Variants in GABRA3 observed in about 807,000 individuals in gnomAD.
GABRA3 encodes the protein gamma-aminobutyric acid type A receptor subunit alpha3.
In GABRA3, 10 loss-of-function variants were observed where a neutral mutation model predicts 30.1. The ratio of observed to expected loss-of-function variants is 0.33; its 90% CI spans 0.20 to 0.56. The LOEUF is 0.56. GABRA3 is among the 20% of genes least tolerant of loss of function. GABRA3 has a pLI of 0.89. For missense variants in GABRA3, 233 were observed against 392.0 expected, an observed-to-expected ratio of 0.59 and a Z score of 3.42; for synonymous variants, 151 against 146.8, an observed-to-expected ratio of 1.03 and a Z score of -0.21.
In GABRA3 at chrX:152,168,366, C is replaced by T; in HGVS notation, c.1341G>A (p.Lys447=). The T allele has an allele frequency of 8.3e-7, 1 of 1,211,854 alleles. No individual in the cohort carries two copies. Among genetic ancestry groups the T allele is most frequent in the South Asian group, 1.8e-5 (1 of 56,999 alleles). ...CAACCTTGCTGACACTGTTGTAGGT[C>T]TTGGTCTCAGTCGGGCTGTCCTGCA... ...TYVQDSPTET[K]TYNSVSKVDK... The change falls in exon 10 of 10, where the codon AAG becomes AAA. Residue 447 remains lysine (K), a synonymous_variant. Coordinates refer to ENST00000370314, the MANE Select transcript of GABRA3 (RefSeq NM_000808.4).
chrX:152,342,833 T>C (rs1940334976), intron 3 of GABRA3, among the ~76,000 whole-genome samples: 1 of 111,636 alleles, frequency 9.0e-6, no homozygotes, highest in Admixed American at 9.6e-5. Context: ...ACTGAGGCCA[T>C]ATTCTAAGTA....
chrX:152,291,661 C>T (rs1282183785), intron 3 of GABRA3, among the ~76,000 whole-genome samples: 1 of 111,268 alleles, frequency 9.0e-6, no homozygotes, highest in Non-Finnish European at 1.9e-5. Context: ...TCATAAATAG[C>T]TCTTATTATT....
intron 4 of GABRA3, among the ~76,000 whole-genome samples, chrX:152,258,227 G>C: frequency 8.9e-6 from 1 of 111,854 alleles, no homozygotes; most frequent in South Asian, 3.7e-4. Context: ...ATTTGAAAAA[G>C]ATATATCTAA....
Position 152,253,785 on chromosome X carries a change from T to A in GABRA3, c.551+1993A>T, listed in dbSNP as rs1938594320. On this transcript the variant is annotated intron_variant, in intron 5 of 9. Coordinates refer to ENST00000370314, the MANE Select transcript of GABRA3 (RefSeq NM_000808.4). ...CATTCCCTGCAACTGCTCACTTGGT[T>A]TTCTCTGTCTAGAACGTCCTTCCTC... Among the ~76,000 whole-genome samples the A allele has an allele frequency of 2.7e-5, 3 of 111,799 alleles. No individual in the cohort carries two copies. The South Asian group carries it at 1.1e-3, about 41-fold the overall frequency.
intron 1 of GABRA3, among the ~76,000 whole-genome samples, chrX:152,408,079 A>C (rs770227486): frequency 1.8e-5 from 2 of 111,497 alleles, no homozygotes; most frequent in Non-Finnish European, 3.8e-5. Context: ...ATATCTCAAC[A>C]TGATAAAAGC....
At chrX:152,278,437 A>G (rs1939131978) in intron 4 of GABRA3, among the ~76,000 whole-genome samples, 1 of 110,718 alleles carries the variant, frequency 9.0e-6, no homozygotes, top group Non-Finnish European at 1.9e-5. Context: ...AAGGACATGA[A>G]CTCATCAGTT....
Position 152,255,789 on chromosome X carries a change from G to A in GABRA3, c.540C>T (p.Leu180=), listed in dbSNP as rs766332263. The A allele has an allele frequency of 1.7e-6, 2 of 1,209,716 alleles. No homozygotes were observed. Among genetic ancestry groups the A allele is most frequent in the Non-Finnish European group, 2.2e-6 (2 of 893,655 alleles). ...CACCACTCTCTGACCTCATTGTATA[G>A]AGGAGGGTTCCGTTGTCCACCAATC... The part of the protein sequence containing the change: ...LLRLVDNGTL[L]YTMRLTIHAE... The change falls in exon 5 of 10, where the codon CTC becomes CTT. Residue 180 remains leucine (L), a synonymous_variant. Coordinates refer to ENST00000370314, the MANE Select transcript of GABRA3 (RefSeq NM_000808.4).
At chrX:152,206,689 A>G (rs1486290186) in intron 7 of GABRA3, among the ~76,000 whole-genome samples, 1 of 111,411 alleles carries the variant, frequency 9.0e-6, no homozygotes, top group Admixed American at 9.4e-5. Flanking sequence ...GACAGGGCCC[A>G]GGTGGCCCAG....
intron 1 of GABRA3, among the ~76,000 whole-genome samples, chrX:152,420,081 T>C (rs947560793): frequency 8.9e-6 from 1 of 112,088 alleles, no homozygotes; most frequent in African/African-American, 3.2e-5. Context: ...TACCCATTAA[T>C]GATTTTTTAA....
At chrX:152,337,175 C>A (rs1298345636) in intron 3 of GABRA3, among the ~76,000 whole-genome samples, 1 of 111,725 alleles carries the variant, frequency 9.0e-6, no homozygotes, top group African/African-American at 3.3e-5. Context: ...CTTAGGATAT[C>A]CATCACCTTA....
At chrX:152,271,978 T>C (rs1938948119) in intron 4 of GABRA3, among the ~76,000 whole-genome samples, 2 of 112,101 alleles carry the variant, frequency 1.8e-5, no homozygotes, top group South Asian at 3.7e-4. Context: ...ATATGGAAAC[T>C]CCTGGATGTC....
At chrX:152,272,805 C>T (rs1017515010) in intron 4 of GABRA3, among the ~76,000 whole-genome samples, 1 of 111,099 alleles carries the variant, frequency 9.0e-6, no homozygotes, top group African/African-American at 3.3e-5. Flanking sequence ...TGAGTGAGTT[C>T]TCATGAGATT....
At chrX:152,448,128 A>G (rs1292688566) in intron 1 of GABRA3, among the ~76,000 whole-genome samples, 4 of 112,148 alleles carry the variant, frequency 3.6e-5, no homozygotes, top group African/African-American at 1.3e-4. Flanking sequence ...AATGACAACA[A>G]ACATTTTCCT....
At chrX:152,386,467 C>T (rs1483095760) in intron 1 of GABRA3, among the ~76,000 whole-genome samples, 2 of 110,368 alleles carry the variant, frequency 1.8e-5, no homozygotes, top group Non-Finnish European at 3.8e-5. Flanking sequence ...AACAAACAAC[C>T]CCATCAAAAA....
At chrX:152,281,389 C>A (rs1172212371) in intron 4 of GABRA3, among the ~76,000 whole-genome samples, 1 of 111,507 alleles carries the variant, frequency 9.0e-6, no homozygotes, top group Admixed American at 9.6e-5. Context: ...ATCATGGACA[C>A]AGGATTGGCA....
intron 2 of GABRA3, among the ~76,000 whole-genome samples, chrX:152,354,087 A>G (rs1337309080): frequency 8.9e-6 from 1 of 112,073 alleles, no homozygotes; most frequent in Non-Finnish European, 1.9e-5. Flanking sequence ...AGGTTACTAT[A>G]TGTAAGTAAA....
intron 1 of GABRA3, among the ~76,000 whole-genome samples, chrX:152,388,015 T>G (rs1194215405): frequency 8.9e-6 from 1 of 112,057 alleles, no homozygotes; most frequent in African/African-American, 3.2e-5. Context: ...AACAGTATAT[T>G]AGTTAAATTT....
At chrX:152,178,310 T>C (rs923387781) in intron 9 of GABRA3, among the ~76,000 whole-genome samples, 15 of 110,649 alleles carry the variant, frequency 1.4e-4, no homozygotes, top group African/African-American at 4.6e-4. Flanking sequence ...TGATTACTGC[T>C]AGGCCACTTA....
chrX:152,222,284 C>T (rs1041639389), intron 6 of GABRA3, among the ~76,000 whole-genome samples: 9 of 107,019 alleles, frequency 8.4e-5, no homozygotes, highest in African/African-American at 3.1e-4. Context: ...TTCAGTTCTG[C>T]TTTTTTCTAT....
Sources: allele counts gnomAD v4.1 joint callset (sites outside exome capture counted in the v4.1 genomes callset), GRCh38; gene constraint gnomAD v4.1.1; transcripts MANE v1.5; gene names NCBI Gene and HGNC (gene_info 2026-07-23, HGNC 2026-07-21).